NEGR1: variants seen among roughly 807,000 people sequenced by gnomAD.
The protein encoded by NEGR1 is neuronal growth regulator 1.
NEGR1 carries 10 observed loss-of-function variants against 40.9 expected under a neutral mutation model. The observed-to-expected ratio is 0.24, with a 90% confidence interval of 0.15 to 0.42. The LOEUF (loss-of-function observed/expected upper bound fraction) is 0.42, where lower values mean the gene tolerates loss of function less well. Ranked by LOEUF, NEGR1 falls within the 10% of genes least tolerant of loss-of-function variation. The pLI is 1.00. For missense variants in NEGR1, 352 were observed against 438.9 expected, an observed-to-expected ratio of 0.80 and a Z score of 1.77; for synonymous variants, 185 against 166.8, an observed-to-expected ratio of 1.11 and a Z score of -0.84.
At chr1:71,930,341 T>C (rs1410363188) in intron 2 of NEGR1, among the ~76,000 whole-genome samples, 1 of 152,188 alleles carries the variant, frequency 6.6e-6, no homozygotes, top group African/African-American at 2.4e-5. Context: ...AAAGTAAGTT[T>C]TAACCTATGA....
chr1:71,942,854 T>C (rs1375896750), intron 1 of NEGR1, among the ~76,000 whole-genome samples: 2 of 138,156 alleles, frequency 1.4e-5, no homozygotes, highest in African/African-American at 2.8e-5. Flanking sequence ...CAGGCTTGAG[T>C]ACAGTGGAAC....
At chr1:71,411,346 C>G (rs1646319092) in intron 6 of NEGR1, among the ~76,000 whole-genome samples, 1 of 152,102 alleles carries the variant, frequency 6.6e-6, no homozygotes, top group African/African-American at 2.4e-5. Flanking sequence ...TATAGGAAGA[C>G]AGCATGTACT....
chr1:71,642,901 A>G (rs1651401303), intron 4 of NEGR1, among the ~76,000 whole-genome samples: 2 of 151,554 alleles, frequency 1.3e-5, no homozygotes, highest in Admixed American at 6.6e-5. Context: ...GCAGGTAGTT[A>G]CCCTTTTATC....
chr1:72,226,012 T>C (rs542206621), intron 1 of NEGR1, among the ~76,000 whole-genome samples: 1 of 151,930 alleles, frequency 6.6e-6, no homozygotes, highest in East Asian at 1.9e-4. Context: ...CTTCAGAAGA[T>C]GAAGTTCAGA....
chr1:71,726,072 T>G (rs1164930027), intron 3 of NEGR1, among the ~76,000 whole-genome samples: 1 of 152,178 alleles, frequency 6.6e-6, no homozygotes, highest in East Asian at 1.9e-4. Context: ...TTGCTGCTGT[T>G]GTGAGTTATT....
At chr1:71,635,663 C>T (rs1651123546) in intron 4 of NEGR1, among the ~76,000 whole-genome samples, 1 of 152,026 alleles carries the variant, frequency 6.6e-6, no homozygotes. Flanking sequence ...GTCTGGTAAA[C>T]CTAACTTCAG....
At chr1:72,020,365 A>G (rs1391691451) in intron 1 of NEGR1, among the ~76,000 whole-genome samples, 1 of 152,164 alleles carries the variant, frequency 6.6e-6, no homozygotes, top group Non-Finnish European at 1.5e-5. Context: ...CCAAAGACTT[A>G]TCTTCCATAA....
At chr1:72,099,335 G>A (rs943400121) in intron 1 of NEGR1, among the ~76,000 whole-genome samples, 1 of 151,660 alleles carries the variant, frequency 6.6e-6, no homozygotes, top group African/African-American at 2.4e-5. Flanking sequence ...GTATATTTTA[G>A]TGTATTTTAT....
intron 6 of NEGR1, among the ~76,000 whole-genome samples, chr1:71,473,510 T>G (rs941128194): frequency 3.9e-5 from 6 of 152,146 alleles, no homozygotes; most frequent in Non-Finnish European, 7.4e-5. Flanking sequence ...ATCTTTTTTA[T>G]GGAGGCCATC....
chr1:71,737,563 C>CA (rs1247654578), intron 3 of NEGR1, among the ~76,000 whole-genome samples: 2 of 152,072 alleles, frequency 1.3e-5, no homozygotes, highest in Admixed American at 1.3e-4. Context: ...ACATGCCAAA[C>CA]AAAATAGAGA....
At chr1:72,035,190 A>G (rs1382550768) in intron 1 of NEGR1, among the ~76,000 whole-genome samples, 1 of 152,146 alleles carries the variant, frequency 6.6e-6, no homozygotes, top group Non-Finnish European at 1.5e-5. Flanking sequence ...AATCGATTGC[A>G]TTCTGCCGCA....
rs112007421 is a variant in NEGR1, at chr1:72,128,702, A to G, written c.176+153617T>C. Among the ~76,000 whole-genome samples, 488 of 152,246 alleles carry G rather than the reference A, an allele frequency of 3.2e-3. 3 individuals carry two copies. The highest frequency in any genetic ancestry group is 0.011 in the African/African-American group (470 of 41,556). On this transcript the variant is annotated intron_variant, in intron 1 of 6. Transcript: ENST00000357731. ...ATGGTTAATGTAACGTGTCAACTTC[A>G]CCGAACCAAGGGGTGCCCAAATATT...
intron 1 of NEGR1, among the ~76,000 whole-genome samples, chr1:72,019,604 G>C (rs375841894): frequency 1.3e-5 from 2 of 152,194 alleles, no homozygotes; most frequent in African/African-American, 4.8e-5. Context: ...CTTTGAGATA[G>C]TAAAGGCATT....
chr1:72,166,942 A>G, intron 1 of NEGR1, among the ~76,000 whole-genome samples: 1 of 152,152 alleles, frequency 6.6e-6, no homozygotes. Context: ...AGAATACTTA[A>G]ATGGCTTGAT....
intron 2 of NEGR1, among the ~76,000 whole-genome samples, chr1:71,788,028 G>C (rs185057210): frequency 2.6e-5 from 4 of 152,248 alleles, no homozygotes; most frequent in African/African-American, 9.6e-5. Context: ...AAAACATTCT[G>C]AGAATGGGTT....
intron 6 of NEGR1, among the ~76,000 whole-genome samples, chr1:71,504,774 T>C (rs1647021600): frequency 6.6e-6 from 1 of 152,104 alleles, no homozygotes; most frequent in Admixed American, 6.5e-5. Flanking sequence ...GGTTCTGATA[T>C]TGAAGAAAAT....
intron 4 of NEGR1, among the ~76,000 whole-genome samples, chr1:71,671,465 T>G (rs1317966728): frequency 6.6e-6 from 1 of 152,106 alleles, no homozygotes; most frequent in Non-Finnish European, 1.5e-5. Flanking sequence ...GCATAAATGA[T>G]ACAGTTTGAA....
intron 1 of NEGR1, among the ~76,000 whole-genome samples, chr1:71,953,036 A>G (rs1378119722): frequency 6.6e-6 from 1 of 151,730 alleles, no homozygotes; most frequent in African/African-American, 2.4e-5. Context: ...AAGAGCTCTT[A>G]TGGAGAATGT....
chr1:71,774,878 C>A (rs1029517650), intron 3 of NEGR1, among the ~76,000 whole-genome samples: 1 of 152,072 alleles, frequency 6.6e-6, no homozygotes, highest in East Asian at 1.9e-4. Context: ...TGACTAAGGT[C>A]GACTTCCTGA....
Sources: allele counts gnomAD v4.1 joint callset (sites outside exome capture counted in the v4.1 genomes callset), GRCh38; gene constraint gnomAD v4.1.1; transcripts MANE v1.5; gene names NCBI Gene and HGNC (gene_info 2026-07-23, HGNC 2026-07-21).